DENND4C: variants seen among roughly 807,000 people sequenced by gnomAD.
The protein encoded by DENND4C is DENN domain-containing protein 4C.
Under a neutral mutation model 203.0 loss-of-function variants are expected in DENND4C, and 108 were observed. The observed-to-expected ratio is 0.53, with a 90% CI of 0.46 to 0.62. DENND4C has a LOEUF of 0.62. Among genes scored for constraint, DENND4C ranks in the 20% least tolerant of loss-of-function variants. The pLI is 0.00. For synonymous variants in DENND4C, 871 were observed against 792.4 expected (o/e 1.10, Z -1.67); for missense variants, 2,481 against 2,301.2 (o/e 1.08, Z -1.60).
intron 1 of DENND4C, among the ~76,000 whole-genome samples, chr9:19,249,938 A>G (rs1382375437): frequency 6.6e-6 from 1 of 152,188 alleles, no homozygotes; most frequent in Non-Finnish European, 1.5e-5. Context: ...GATTGCAGGC[A>G]TGAGCCACTG....
chr9:19,291,007 T>TC (rs886212939), intron 5 of DENND4C, 131 bp downstream of exon 5: 6 of 865,056 alleles, frequency 6.9e-6, no homozygotes, highest in Non-Finnish European at 1.0e-5. Flanking sequence ...TACACTGTCA[T>TC]CCCCAAGGTG....
chr9:19,265,474 T>G (rs978083350), intron 1 of DENND4C, among the ~76,000 whole-genome samples: 1 of 151,984 alleles, frequency 6.6e-6, no homozygotes, highest in Non-Finnish European at 1.5e-5. Context: ...TTTATTATAC[T>G]TTAAGTTCTA....
intron 21 of DENND4C, among the ~76,000 whole-genome samples, chr9:19,341,418 C>G (rs1473139303): frequency 1.3e-5 from 2 of 151,190 alleles, no homozygotes; most frequent in South Asian, 4.2e-4. Context: ...TCATATGATC[C>G]TCCTGCCTCA....
intron 1 of DENND4C, among the ~76,000 whole-genome samples, chr9:19,236,861 C>CTT (rs1232263475): frequency 7.2e-5 from 11 of 152,198 alleles, no homozygotes; most frequent in Admixed American, 1.3e-4. Context: ...TTGCATGCTA[C>CTT]TTTTTCTAAA....
chr9:19,271,492 G>A (rs768950600), intron 1 of DENND4C, among the ~76,000 whole-genome samples: 17 of 152,176 alleles, frequency 1.1e-4, no homozygotes, highest in Non-Finnish European at 2.4e-4. Flanking sequence ...GTGAGCTACC[G>A]CCTCTGGCCA....
intron 10 of DENND4C, among the ~76,000 whole-genome samples, chr9:19,307,532 G>A (rs531672898): frequency 9.2e-5 from 14 of 152,040 alleles, no homozygotes; most frequent in African/African-American, 3.4e-4. Context: ...CACTTTGGGA[G>A]GCCGAGGCAG....
At chr9:19,276,860 G>C (rs1047571648) in intron 2 of DENND4C, among the ~76,000 whole-genome samples, 1 of 152,086 alleles carries the variant, frequency 6.6e-6, no homozygotes, top group Admixed American at 6.6e-5. Flanking sequence ...ATGAGTTTTT[G>C]TGAAGACCTG....
At chr9:19,327,397 G>C (rs1818049197) in intron 15 of DENND4C, among the ~76,000 whole-genome samples, 1 of 151,916 alleles carries the variant, frequency 6.6e-6, no homozygotes, top group African/African-American at 2.4e-5. Flanking sequence ...GTATGTTTAA[G>C]TATAATCTTT....
chr9:19,341,619 C>T (rs1488385106), intron 21 of DENND4C, among the ~76,000 whole-genome samples: 1 of 151,906 alleles, frequency 6.6e-6, no homozygotes, highest in Non-Finnish European at 1.5e-5. Context: ...TGTAAGATAC[C>T]TTTAGAGACT....
In DENND4C at chr9:19,362,044, C is replaced by A. The variant is rs926136280; in HGVS notation, c.5524+81C>A. The stretch of plus-strand genomic sequence containing the variant: ...ATGCCAGCACTTTGGGAGGCCTAGG[C>A]TGGCGGACCACTTGAGGTCAGGAGT... On this transcript the variant is annotated intron_variant, in intron 30 of 32. Coordinates refer to ENST00000434457, the MANE Select transcript of DENND4C (RefSeq NM_001330640.2). 1.8e-5 allele frequency: 14 copies of A among 771,818 alleles called. No individual in the cohort carries two copies. In the African/African-American group the frequency reaches 2.1e-4, roughly 12 times the overall value. 47.8% of individuals were successfully genotyped at this position (771,818 alleles called of 1,614,324 possible).
rs931449820 is a variant in DENND4C, at chr9:19,276,847, G to A, written c.305+368G>A. ...CATTTTAAGGAGTTGCTTGGGTTAT[G>A]TAATGAGTTTTTGTGAAGACCTGTA... On this transcript the variant is annotated intron_variant, in intron 2 of 32. Transcript: ENST00000434457. Among the ~76,000 whole-genome samples, 46 of 152,148 alleles carry A rather than the reference G, an allele frequency of 3.0e-4. 1 individual carries two copies. Among genetic ancestry groups the A allele is most frequent in the Admixed American group, 1.9e-3 (29 of 15,264 alleles).
Position 19,341,001 on chromosome 9 carries a change from C to G in DENND4C, c.2891C>G (p.Ser964Cys). 5 of 1,604,678 alleles carry G rather than the reference C, an allele frequency of 3.1e-6. No individual in the cohort carries two copies. The highest frequency in any genetic ancestry group is 4.2e-6 in the Non-Finnish European group (5 of 1,176,732). Residue 964 changes from serine (S) to cysteine (C), a missense_variant, in exon 21 of 33, where the codon TCT (serine) becomes TGT (cysteine). By Grantham distance (112) the Ser-to-Cys change is moderately radical. This residue lies in a region of DENND4C where 2,289 missense variants were observed against 2,113.3 expected (regional missense o/e 1.08). Coordinates refer to ENST00000434457, the MANE Select transcript of DENND4C (RefSeq NM_001330640.2). Reference protein sequence around the residue: ...IDNHSSTGGQSDQGYGSKDEL... With the variant: ...IDNHSSTGGQCDQGYGSKDEL... ...GCATTCTTTTTAACAGGTGGTCAGT[C>G]TGACCAAGGATACGGGTCTAAGGAT...
intron 20 of DENND4C, among the ~76,000 whole-genome samples, chr9:19,339,431 G>A (rs1346247652): frequency 1.3e-5 from 2 of 152,012 alleles, no homozygotes; most frequent in Middle Eastern, 6.3e-3. Flanking sequence ...TTATTTTGTG[G>A]AATGTTTCTT....
intron 16 of DENND4C, among the ~76,000 whole-genome samples, chr9:19,329,327 G>A (rs1818565213): frequency 6.6e-6 from 1 of 152,126 alleles, no homozygotes; most frequent in Admixed American, 6.5e-5. Context: ...GTATTCTTTT[G>A]TGACTGGCAT....
At chr9:19,321,319 G>C (rs897010992) in intron 12 of DENND4C, among the ~76,000 whole-genome samples, 1 of 152,154 alleles carries the variant, frequency 6.6e-6, no homozygotes, top group African/African-American at 2.4e-5. Flanking sequence ...GAATTAGATT[G>C]AGTAGAACCT....
chr9:19,258,565 T>C (rs1828551140), intron 1 of DENND4C, among the ~76,000 whole-genome samples: 1 of 152,098 alleles, frequency 6.6e-6, no homozygotes, highest in Non-Finnish European at 1.5e-5. Context: ...TAATTTACCA[T>C]ATTAACAAAT....
intron 1 of DENND4C, among the ~76,000 whole-genome samples, chr9:19,268,289 G>T (rs1830923527): frequency 6.6e-6 from 1 of 151,964 alleles, no homozygotes; most frequent in Non-Finnish European, 1.5e-5. Flanking sequence ...TTGTAGAGAC[G>T]GGGTTTTGCC....
chr9:19,312,268 A>C (rs1196570167), intron 10 of DENND4C, among the ~76,000 whole-genome samples: 1 of 151,846 alleles, frequency 6.6e-6, no homozygotes. Flanking sequence ...GTGGCCACTT[A>C]ATTTTTGTAT....
chr9:19,250,036 T>A (rs1826179105), intron 1 of DENND4C, among the ~76,000 whole-genome samples: 1 of 152,194 alleles, frequency 6.6e-6, no homozygotes, highest in Non-Finnish European at 1.5e-5. Context: ...CTGTAGCTAA[T>A]ACCTGTAATC....
Sources: gnomAD v4.1 joint callset for allele counts (sites outside exome capture counted in the v4.1 genomes callset) on GRCh38, gnomAD v4.1.1 for gene constraint, gnomAD v4.1.1 regional missense constraint, MANE v1.5 for transcripts, NCBI Gene and HGNC (gene_info 2026-07-23, HGNC 2026-07-21) for gene names.